Variants in CTNNA3 observed in about 807,000 individuals in gnomAD.
The protein encoded by CTNNA3 is catenin alpha-3.
A neutral mutation model predicts 95.7 loss-of-function variants in CTNNA3; 76 were observed. That is an observed-to-expected ratio of 0.79 (90% CI 0.66 to 0.96). The LOEUF is 0.96. Among genes scored for constraint, CTNNA3 ranks in the 40% least tolerant of loss-of-function variants. The pLI is 0.00. For missense variants in CTNNA3, 1,191 were observed against 1,089.8 expected (o/e 1.09, Z -1.31); for synonymous variants, 431 against 374.4 (o/e 1.15, Z -1.74).
At chr10:67,295,262 A>G (rs1183721124) in intron 5 of CTNNA3, among the ~76,000 whole-genome samples, 1 of 152,146 alleles carries the variant, frequency 6.6e-6, no homozygotes, top group Admixed American at 6.5e-5. Flanking sequence ...GAAAATACTC[A>G]AAAGAAAATT....
chr10:67,030,124 G>A (rs1853627895), intron 7 of CTNNA3, among the ~76,000 whole-genome samples: 1 of 152,176 alleles, frequency 6.6e-6, no homozygotes, highest in African/African-American at 2.4e-5. Context: ...TCAAAGTTTA[G>A]CTAAATTAAT....
intron 12 of CTNNA3, among the ~76,000 whole-genome samples, chr10:66,325,803 A>G (rs922396004): frequency 2.6e-5 from 4 of 152,158 alleles, no homozygotes; most frequent in Non-Finnish European, 4.4e-5. Flanking sequence ...TTATGTGCTC[A>G]TATTAAAAAA....
chr10:67,249,618 A>G (rs1037471537), intron 5 of CTNNA3, among the ~76,000 whole-genome samples: 1 of 152,242 alleles, frequency 6.6e-6, no homozygotes, highest in African/African-American at 2.4e-5. Flanking sequence ...CTAATATTAA[A>G]CATTGAAATA....
chr10:67,491,099 A>C (rs969913642), intron 5 of CTNNA3, among the ~76,000 whole-genome samples: 3 of 152,154 alleles, frequency 2.0e-5, no homozygotes, highest in Non-Finnish European at 2.9e-5. Flanking sequence ...CTCAGTTGAA[A>C]ATATCCCCTC....
intron 15 of CTNNA3, among the ~76,000 whole-genome samples, chr10:66,017,062 C>A (rs2079108304): frequency 6.6e-6 from 1 of 152,098 alleles, no homozygotes; most frequent in South Asian, 2.1e-4. Flanking sequence ...ACCATATAAT[C>A]TGAACTACAT....
At chr10:67,270,402 A>C (rs1232394138) in intron 5 of CTNNA3, among the ~76,000 whole-genome samples, 1 of 152,146 alleles carries the variant, frequency 6.6e-6, no homozygotes, top group Non-Finnish European at 1.5e-5. Flanking sequence ...TTGTGTTCCA[A>C]TTGCTATGCT....
intron 3 of CTNNA3, among the ~76,000 whole-genome samples, chr10:67,558,265 G>A (rs1315891681): frequency 6.6e-6 from 1 of 152,096 alleles, no homozygotes; most frequent in African/African-American, 2.4e-5. Flanking sequence ...CACTAGAAAG[G>A]AGCTGGAATA....
intron 5 of CTNNA3, among the ~76,000 whole-genome samples, chr10:67,473,455 A>G (rs1847900325): frequency 6.6e-6 from 1 of 150,570 alleles, no homozygotes; most frequent in African/African-American, 2.4e-5. Context: ...AGAAATACAC[A>G]ACAACACAGA....
At chr10:67,029,919 C>T (rs1853618376) in intron 7 of CTNNA3, among the ~76,000 whole-genome samples, 1 of 152,170 alleles carries the variant, frequency 6.6e-6, no homozygotes, top group Admixed American at 6.5e-5. Context: ...ATAGAACAGC[C>T]CCATGGCTGG....
chr10:66,130,599 C>T (rs556442213), intron 13 of CTNNA3, among the ~76,000 whole-genome samples: 11 of 152,142 alleles, frequency 7.2e-5, no homozygotes, highest in African/African-American at 2.6e-4. Context: ...AATCCCAGCA[C>T]TTTAGGAAGC....
chr10:66,341,745 T>C (rs934740114), intron 12 of CTNNA3, among the ~76,000 whole-genome samples: 10 of 151,904 alleles, frequency 6.6e-5, no homozygotes, highest in Admixed American at 5.3e-4. Flanking sequence ...AAGTGATGCA[T>C]GGTTAAATGA....
chr10:67,097,891 C>A, intron 7 of CTNNA3: 2 of 1,042,762 alleles, frequency 1.9e-6, no homozygotes, highest in Non-Finnish European at 2.9e-6. Flanking sequence ...AAAAACAAAA[C>A]AAAACACAAA....
At chr10:66,035,309 G>A (rs1051322134) in intron 15 of CTNNA3, among the ~76,000 whole-genome samples, 6 of 152,088 alleles carry the variant, frequency 3.9e-5, no homozygotes, top group Admixed American at 1.3e-4. Flanking sequence ...GACATGGGGG[G>A]TCTAAGAAAG....
chr10:66,782,194 A>G (rs1412587003), intron 7 of CTNNA3, among the ~76,000 whole-genome samples: 1 of 152,156 alleles, frequency 6.6e-6, no homozygotes, highest in Non-Finnish European at 1.5e-5. Flanking sequence ...TATAAAATCT[A>G]TATTACAAAG....
In CTNNA3 at chr10:67,231,391, G is replaced by T. The variant is rs564260480; in HGVS notation, c.580-11521C>A. Among the ~76,000 whole-genome samples the T allele has an allele frequency of 2.0e-5, 3 of 152,296 alleles. No individual in the cohort carries two copies. In the East Asian group the frequency reaches 5.8e-4, roughly 29 times the overall value. Reference sequence around the variant, plus strand: ...CCTTGACCCCAGAGCAGCCTAACTGGGAGGCAACCCCTAGCAGGGGCAGAC... The same window carrying T: ...CCTTGACCCCAGAGCAGCCTAACTGTGAGGCAACCCCTAGCAGGGGCAGAC... On this transcript the variant is annotated intron_variant, in intron 5 of 17. Transcript: ENST00000433211.
At chr10:66,032,155 T>C (rs1215168800) in intron 15 of CTNNA3, among the ~76,000 whole-genome samples, 3 of 152,190 alleles carry the variant, frequency 2.0e-5, no homozygotes, top group African/African-American at 2.4e-5. Context: ...TTAAAAAATA[T>C]ATCCTTACAT....
intron 12 of CTNNA3, among the ~76,000 whole-genome samples, chr10:66,334,263 T>C (rs2092368561): frequency 6.6e-6 from 1 of 152,054 alleles, no homozygotes; most frequent in Non-Finnish European, 1.5e-5. Flanking sequence ...AATTTGATCC[T>C]GTCATTGTGA....
At chr10:66,149,728 T>C (rs1299667822) in intron 13 of CTNNA3, among the ~76,000 whole-genome samples, 2 of 151,834 alleles carry the variant, frequency 1.3e-5, no homozygotes, top group East Asian at 1.9e-4. Flanking sequence ...TACATTCTTA[T>C]GCATCTTTTT....
chr10:66,063,306 CTATA>C (rs568701925), intron 15 of CTNNA3, among the ~76,000 whole-genome samples: 2 of 135,034 alleles, frequency 1.5e-5, no homozygotes, highest in Non-Finnish European at 3.2e-5. Context: ...ATCTCTCTCT[CTATA>C]TATATATATA....
Sources: allele counts gnomAD v4.1 joint callset (sites outside exome capture counted in the v4.1 genomes callset), GRCh38; gene constraint gnomAD v4.1.1; transcripts MANE v1.5; gene names NCBI Gene and HGNC (gene_info 2026-07-23, HGNC 2026-07-21).